The following ZNF592 variants were observed in gnomAD, a reference collection of about 807,000 sequenced individuals.
The protein encoded by ZNF592 is zinc finger protein 592, also known as spinocerebellar ataxia, autosomal recessive 5.
Under a neutral mutation model 80.3 loss-of-function variants are expected in ZNF592, and 11 were observed. The ratio of observed to expected loss-of-function variants is 0.14; its 90% CI spans 0.09 to 0.23. The LOEUF is 0.23. Among genes scored for constraint, ZNF592 ranks in the 10% least tolerant of loss-of-function variants. The pLI, the probability that ZNF592 is intolerant of heterozygous loss-of-function variation, is 1.00. For missense variants in ZNF592, 1,420 were observed against 1,633.9 expected (o/e 0.87, Z 2.26); for synonymous variants, 646 against 640.3 (o/e 1.01, Z -0.13).
rs775184052 is a variant in ZNF592, at chr15:84,784,638, C to G, written c.1963C>G (p.Pro655Ala). 24 of 1,614,064 alleles carry G rather than the reference C, an allele frequency of 1.5e-5. No individual in the cohort carries two copies. The highest frequency in any genetic ancestry group is 2.0e-5 in the Non-Finnish European group (24 of 1,180,048). ...VMQCSQLLVKPISADQMFVSA... is the reference protein window; with the variant it reads ...VMQCSQLLVKAISADQMFVSA... ...GCAGTGTTCCCAGCTGCTGGTGAAG[C>G]CTATCTCTGCGGACCAAATGTTCGT... The change falls in exon 4 of 11, where the codon CCT becomes GCT. Residue 655 changes from proline to alanine, a missense_variant. Pro to Ala is a conservative substitution (Grantham distance 27). This residue lies in a region of ZNF592 where 524 missense variants were observed against 628.3 expected (regional missense o/e 0.83). Coordinates refer to ENST00000560079, the MANE Select transcript of ZNF592 (RefSeq NM_014630.3). This position sits in a 1 kb window ranked among gnomAD's most constrained non-coding sequence, Gnocchi z 5.8.
chr15:84,798,974 G>A lies in ZNF592; in HGVS notation c.3024+99G>A, dbSNP rs1963013593. 1 of 1,592,312 alleles carries A rather than the reference G, an allele frequency of 6.3e-7. No homozygotes were observed. The highest frequency in any genetic ancestry group is 8.6e-7 in the Non-Finnish European group (1 of 1,164,680). On this transcript the variant is annotated intron_variant, in intron 8 of 10. Coordinates refer to ENST00000560079, the MANE Select transcript of ZNF592 (RefSeq NM_014630.3). The surrounding 1 kb of genome is among the most constrained non-coding windows in gnomAD (Gnocchi z 4.5). ...GGTTCCTGGTGCTTAGGGCAGGGTG[G>A]GTACCACAGATCTTGAGGTCTTCGG...
At chr15:84,771,169 T>C (rs1899690755) in intron 2 of ZNF592, among the ~76,000 whole-genome samples, 2 of 152,026 alleles carry the variant, frequency 1.3e-5, no homozygotes, top group Non-Finnish European at 2.9e-5. Flanking sequence ...CAGGAGAGGC[T>C]CACATACTGA....
rs1229042218 is a variant in ZNF592, at chr15:84,782,806, C to T, written c.131C>T (p.Pro44Leu). The change falls in exon 4 of 11, where the codon CCA (proline) becomes CTA (leucine). Residue 44 changes from proline (P) to leucine (L), a missense_variant. By Grantham distance (98) the Pro-to-Leu change is moderately conservative. This residue lies in a region of ZNF592 where 373 missense variants were observed against 355.5 expected (regional missense o/e 1.05). Coordinates refer to ENST00000560079, the MANE Select transcript of ZNF592 (RefSeq NM_014630.3). ...SEENESPLKP[P>L]GICMDESVSL... ...GAGAATGAGAGTCCCCTCAAACCTCCAGGCATATGTATGGATGAAAGTGTG... is the reference window on the plus strand; with the variant it reads ...GAGAATGAGAGTCCCCTCAAACCTCTAGGCATATGTATGGATGAAAGTGTG... The T allele has an allele frequency of 6.2e-7, 1 of 1,614,012 alleles. No individual in the cohort carries two copies. The highest frequency in any genetic ancestry group is 1.3e-5 in the African/African-American group (1 of 74,894).
rs1962530615 is a variant in ZNF592 at position 84,784,530 on chromosome 15, C to G, written c.1855C>G (p.Leu619Val). 1.9e-6 allele frequency: 3 copies of G among 1,614,222 alleles called. No individual in the cohort carries two copies. The highest frequency in any genetic ancestry group is 1.7e-6 in the Non-Finnish European group (2 of 1,180,040). Residue 619 changes from leucine to valine, a missense_variant, in exon 4 of 11, where the codon CTG becomes GTG. Coordinates refer to ENST00000560079, the MANE Select transcript of ZNF592 (RefSeq NM_014630.3). This position sits in a 1 kb window ranked among gnomAD's most constrained non-coding sequence, Gnocchi z 5.8. ...CGTCCACATTGAGGTACTGTGCACA[C>G]TGTGCTCCAAGACGCTGCTCTTCTT... ...RSVHIEVLCT[L>V]CSKTLLFFNK...
At chr15:84,775,697 T>G (rs1329779214) in intron 2 of ZNF592, among the ~76,000 whole-genome samples, 2 of 152,256 alleles carry the variant, frequency 1.3e-5, no homozygotes, top group Non-Finnish European at 2.9e-5. Flanking sequence ...CCCGAAGTGC[T>G]GGGATTACAG....
chr15:84,783,387 T>C lies in ZNF592; in HGVS notation c.712T>C (p.Phe238Leu). 6.2e-7 allele frequency: 1 copy of C among 1,614,236 alleles called. No individual in the cohort carries two copies. The highest frequency in any genetic ancestry group is 8.5e-7 in the Non-Finnish European group (1 of 1,180,054). ...CAAGGATCCGGATGCCACTCGATTC[T>C]TCGGGGAAGCTTTGGAGTTCAACAG... ...PHKDPDATRF[F>L]GEALEFNSHP... Residue 238 changes from phenylalanine (F) to leucine (L), a missense_variant, in exon 4 of 11, where the codon TTC becomes CTC. By Grantham distance (22) the Phe-to-Leu change is conservative. This residue lies in a region of ZNF592 where 373 missense variants were observed against 355.5 expected (regional missense o/e 1.05). Transcript: ENST00000560079. This position sits in a 1 kb window ranked among gnomAD's most constrained non-coding sequence, Gnocchi z 5.0.
chr15:84,771,902 C>G (rs997935040), intron 2 of ZNF592, among the ~76,000 whole-genome samples: 2 of 152,136 alleles, frequency 1.3e-5, no homozygotes, highest in African/African-American at 4.8e-5. Flanking sequence ...TGCTTGTCCA[C>G]TTTAGCAGTT....
At chr15:84,780,047 C>T (rs1239360882) in intron 3 of ZNF592, among the ~76,000 whole-genome samples, 2 of 142,446 alleles carry the variant, frequency 1.4e-5, no homozygotes, top group Non-Finnish European at 3.0e-5. Flanking sequence ...AGTGCAGTGG[C>T]AAGATCTCGA....
rs1342137493 is a variant in ZNF592 at position 84,798,343 on chromosome 15, G to A, written c.2605G>A (p.Val869Ile). Reference protein sequence around the residue: ...QLIYKCSCEMVFNKKRHIQQH... With the variant: ...QLIYKCSCEMIFNKKRHIQQH... ...CATTTATAAGTGCTCCTGTGAAATG[G>A]TCTTCAACAAGAAGAGGCACATTCA... The change falls in exon 7 of 11, where the codon GTC becomes ATC. Residue 869 changes from valine (V) to isoleucine (I), a missense_variant. Physicochemically the swap from Val to Ile is conservative, Grantham distance 29. This residue lies in a region of ZNF592 where 331 missense variants were observed against 347.0 expected (regional missense o/e 0.95). Coordinates refer to ENST00000560079, the MANE Select transcript of ZNF592 (RefSeq NM_014630.3). The surrounding 1 kb of genome is among the most constrained non-coding windows in gnomAD (Gnocchi z 4.5). 4 of 1,614,208 alleles carry A rather than the reference G, an allele frequency of 2.5e-6. No individual in the cohort carries two copies. The South Asian group carries it at 4.4e-5, about 18-fold the overall frequency.
chr15:84,771,525 A>G (rs1899701346), intron 2 of ZNF592, among the ~76,000 whole-genome samples: 1 of 152,206 alleles, frequency 6.6e-6, no homozygotes, highest in South Asian at 2.1e-4. Context: ...GGCAGAGACC[A>G]CATTGGAATG....
Position 84,784,049 on chromosome 15 carries a change from G to T in ZNF592, c.1374G>T (p.Ser458=). 1 of 1,612,930 alleles carries T rather than the reference G, an allele frequency of 6.2e-7. No individual in the cohort carries two copies. The highest frequency in any genetic ancestry group is 8.5e-7 in the Non-Finnish European group (1 of 1,179,072). The change falls in exon 4 of 11, where the codon TCG becomes TCT. Residue 458 remains serine (S), a synonymous_variant. Coordinates refer to ENST00000560079, the MANE Select transcript of ZNF592 (RefSeq NM_014630.3). This position sits in a 1 kb window ranked among gnomAD's most constrained non-coding sequence, Gnocchi z 5.8. ...AGAGCATGACAAAGGCCAGTGACTC[G>T]TCATCTCCCAGCTGCAGTTCTGGGC... ...GDESMTKASD[S]SSPSCSSGPR...
intron 1 of ZNF592, among the ~76,000 whole-genome samples, chr15:84,762,497 C>A (rs1287533665): frequency 6.6e-6 from 1 of 152,106 alleles, no homozygotes. Flanking sequence ...TTTAAGGAAC[C>A]CATGGGGGAA....
At position 84,778,282 on chromosome 15, in the gene ZNF592, GA is replaced by G. The variant is rs1387618252; in HGVS notation, c.-49del. ...AGGGGGGGCTCCAAAGCCGAAAGAGGAGGTCCCTACCTGCCACGGATACCAG... is the reference window on the plus strand; with the variant it reads ...AGGGGGGGCTCCAAAGCCGAAAGAGGGGTCCCTACCTGCCACGGATACCAG... On this transcript the variant is annotated 5_prime_UTR_variant, in exon 3 of 11. Transcript: ENST00000560079. The G allele has an allele frequency of 3.5e-6, 1 of 285,454 alleles. No homozygotes were observed. Among genetic ancestry groups the G allele is most frequent in the Non-Finnish European group, 7.0e-6 (1 of 143,480 alleles). 17.7% of individuals were successfully genotyped at this position (285,454 alleles called of 1,614,324 possible). A position where few individuals can be genotyped will look rare whatever the true frequency, so the allele number is the denominator to read the frequency against.
chr15:84,802,445 C>A lies in ZNF592; in HGVS notation c.*52C>A. ...AGGGGTGGTGCCGAAGTGTCTTCCA[C>A]CTGCCCTGCGGACCGTGGAAAATAA... is the stretch of plus-strand genomic sequence containing the variant. On this transcript the variant is annotated 3_prime_UTR_variant, in exon 11 of 11. Coordinates refer to ENST00000560079, the MANE Select transcript of ZNF592 (RefSeq NM_014630.3). 6.2e-7 allele frequency: 1 copy of A among 1,601,300 alleles called. No individual in the cohort carries two copies. Among genetic ancestry groups the A allele is most frequent in the Non-Finnish European group, 8.5e-7 (1 of 1,171,550 alleles).
chr15:84,796,172 A>G (rs377416658), intron 5 of ZNF592, among the ~76,000 whole-genome samples: 1 of 144,664 alleles, frequency 6.9e-6, no homozygotes, highest in Non-Finnish European at 1.5e-5. Context: ...CAGTGAGCCA[A>G]GATTGCACCA....
chr15:84,759,744 G>T (rs1899286187), intron 1 of ZNF592, among the ~76,000 whole-genome samples: 1 of 152,204 alleles, frequency 6.6e-6, no homozygotes, highest in African/African-American at 2.4e-5. Flanking sequence ...ACTTCTGCAT[G>T]GGAGGAGAGA....
chr15:84,802,971 T>G lies in ZNF592; in HGVS notation c.*578T>G, dbSNP rs1963144310. ...CCCTCAAAATAGTCCTGAGAACTAATTGTCACACTGGCTCATCATGTCTCT... is the reference window on the plus strand; with the variant it reads ...CCCTCAAAATAGTCCTGAGAACTAAGTGTCACACTGGCTCATCATGTCTCT... On this transcript the variant is annotated 3_prime_UTR_variant, in exon 11 of 11. Transcript: ENST00000560079. 6.4e-6 allele frequency: 1 copy of G among 155,176 alleles called. No individual in the cohort carries two copies. Among genetic ancestry groups the G allele is most frequent in the South Asian group, 2.0e-4 (1 of 5,074 alleles). The allele number at this position is 155,176 out of a possible 1,614,324, so 9.6% of individuals were successfully genotyped here. A position where few individuals can be genotyped will look rare whatever the true frequency, so the allele number is the denominator to read the frequency against.
chr15:84,799,180 A>G lies in ZNF592; in HGVS notation c.3107A>G (p.His1036Arg), dbSNP rs1203608788. The G allele has an allele frequency of 5.0e-6, 8 of 1,614,044 alleles. No homozygotes were observed. The highest frequency in any genetic ancestry group is 6.8e-6 in the Non-Finnish European group (8 of 1,180,042). Residue 1036 changes from histidine to arginine, a missense_variant, in exon 9 of 11, where the codon CAT becomes CGT. Physicochemically the swap from His to Arg is conservative, Grantham distance 29. This residue lies in a region of ZNF592 where 331 missense variants were observed against 347.0 expected (regional missense o/e 0.95). Coordinates refer to ENST00000560079, the MANE Select transcript of ZNF592 (RefSeq NM_014630.3). The surrounding 1 kb of genome is among the most constrained non-coding windows in gnomAD (Gnocchi z 4.2). ...NSLRKHIRNN[H>R]DTVKKFYTCG... ...CTGCGCAAACACATCCGCAACAACC[A>G]TGACACAGTAAAGAAGTTCTACACC...
At chr15:84,796,240 ATATATATATATATATATATATATATTTT>A (rs1348141074) in intron 5 of ZNF592, among the ~76,000 whole-genome samples, 3 of 39,386 alleles carry the variant, frequency 7.6e-5, no homozygotes, top group African/African-American at 1.6e-4. Context: ...AAAAAAAAAA[ATATATATATATATATATATATATATTTT>A]ATATATATAT....
Sources: gnomAD v4.1 joint callset for allele counts (sites outside exome capture counted in the v4.1 genomes callset) on GRCh38, gnomAD v4.1.1 for gene constraint, gnomAD v4.1.1 regional missense constraint, Gnocchi (gnomAD v3.1) non-coding constraint, MANE v1.5 for transcripts, NCBI Gene and HGNC (gene_info 2026-07-23, HGNC 2026-07-21) for gene names.